Variants in TIMM23B observed in about 807,000 individuals in gnomAD.
TIMM23B encodes the protein mitochondrial import inner membrane translocase subunit Tim23B.
TIMM23B carries 27 observed loss-of-function variants against 27.3 expected under a neutral mutation model. The ratio of observed to expected loss-of-function variants is 0.99; its 90% confidence interval spans 0.73 to 1.36. The LOEUF is 1.36. Among genes scored for constraint, TIMM23B ranks in the 40% most tolerant of loss-of-function variants. The pLI is 0.00. For synonymous variants in TIMM23B, 73 were observed against 92.4 expected (o/e 0.79, Z 1.21); for missense variants, 205 against 244.2 (o/e 0.84, Z 1.07).
chr10:49,953,802 A>G (rs1160883785), intron 4 of TIMM23B, among the ~76,000 whole-genome samples: 1 of 152,212 alleles, frequency 6.6e-6, no homozygotes, highest in Non-Finnish European at 1.5e-5. Flanking sequence ...TAGACAAAAT[A>G]CATAGCATAG....
intron 6 of TIMM23B, among the ~76,000 whole-genome samples, chr10:49,966,130 TGCTG>T (rs1815299528): frequency 6.7e-6 from 1 of 149,438 alleles, no homozygotes; most frequent in Non-Finnish European, 1.5e-5. Flanking sequence ...AATAATGAAA[TGCTG>T]GGTGTGGTGG....
intron 6 of TIMM23B, among the ~76,000 whole-genome samples, chr10:49,959,920 T>C (rs1839841717): frequency 6.6e-6 from 1 of 151,706 alleles, no homozygotes; most frequent in South Asian, 2.1e-4. Context: ...GGCTAATTCT[T>C]GTATTTTTAG....
At position 49,973,820 on chromosome 10, in the gene TIMM23B, T is replaced by C. The variant is rs2132078639; in HGVS notation, c.*756T>C. ...AGGTAATTTTTTTTTTTTCTTTTTT[T>C]TTGAGATGGAGTCTTGCTCTGTTGC... is the stretch of plus-strand genomic sequence containing the variant. On this transcript the variant is annotated 3_prime_UTR_variant, in exon 7 of 7. Transcript: ENST00000651259. 1 of 151,454 alleles carries C rather than the reference T, an allele frequency of 6.6e-6. No individual in the cohort carries two copies. The highest frequency in any genetic ancestry group is 1.9e-4 in the East Asian group (1 of 5,178). The allele number at this position is 151,454 out of a possible 1,614,324, so 9.4% of individuals were successfully genotyped here. A position where few individuals can be genotyped will look rare whatever the true frequency, so the allele number is the denominator to read the frequency against.
chr10:49,947,571 C>G (rs1479863175), intron 2 of TIMM23B, among the ~76,000 whole-genome samples: 4 of 151,806 alleles, frequency 2.6e-5, no homozygotes, highest in African/African-American at 9.7e-5. Flanking sequence ...ATCGCACCAC[C>G]CGCACTTCAG....
chr10:49,958,612 G>A, intron 6 of TIMM23B, 132 bp downstream of exon 6: 1 of 840,088 alleles, frequency 1.2e-6, no homozygotes, highest in Non-Finnish European at 1.9e-6. Context: ...ATTTTGGTTT[G>A]GTTTGGTTTT....
At chr10:49,946,726 G>A (rs1355025241) in intron 2 of TIMM23B, among the ~76,000 whole-genome samples, 1 of 149,194 alleles carries the variant, frequency 6.7e-6, no homozygotes, top group Admixed American at 6.7e-5. Context: ...TATTAAAATG[G>A]CAGTGCTCAC....
At chr10:49,942,435 T>C (rs1564675572) in intron 1 of TIMM23B, 135 bp downstream of exon 1, 3 of 1,476,862 alleles carry the variant, frequency 2.0e-6, no homozygotes, top group Non-Finnish European at 1.8e-6. Flanking sequence ...AGTGGTGGGG[T>C]TAGTGTATCT....
intron 1 of TIMM23B, chr10:49,943,486 C>G (rs1489923179): frequency 2.6e-5 from 4 of 152,088 alleles, no homozygotes; most frequent in Admixed American, 1.3e-4. Flanking sequence ...GTCTCGGCCT[C>G]CCAAAATGCT....
At chr10:49,972,822 A>G (rs1840510225) in intron 6 of TIMM23B, 190 bp from the exon 7 acceptor site, 1 of 592,538 alleles carries the variant, frequency 1.7e-6, no homozygotes, top group East Asian at 2.8e-5. Context: ...TCATCTTGCA[A>G]TTCAACTGGG....
At chr10:49,952,619 C>G in intron 4 of TIMM23B, 86 bp downstream of exon 4, 4 of 1,479,782 alleles carry the variant, frequency 2.7e-6, no homozygotes, top group Non-Finnish European at 3.7e-6. Context: ...CTTGAGATTA[C>G]AGATGGTTAG....
chr10:49,962,894 CT>C (rs71215887), intron 6 of TIMM23B, among the ~76,000 whole-genome samples: 2,759 of 123,134 alleles, frequency 0.022, 118 homozygotes, highest in African/African-American at 0.066. Context: ...TCTACCATCA[CT>C]TTTTTTTTTT....
intron 6 of TIMM23B, among the ~76,000 whole-genome samples, chr10:49,969,303 G>A (rs1211144784): frequency 6.6e-6 from 1 of 152,114 alleles, no homozygotes; most frequent in African/African-American, 2.4e-5. Context: ...CAGTCTTGGT[G>A]GTGGGCACCT....
rs1271895013 is a variant in TIMM23B at position 49,951,890 on chromosome 10, T to G, written c.166-236T>G. 3.9e-5 allele frequency among the ~76,000 whole-genome samples: 6 copies of G among 152,356 alleles called. No homozygotes were observed. In the East Asian group the frequency reaches 1.2e-3, roughly 29 times the overall value. On this transcript the variant is annotated intron_variant, in intron 2 of 6. Transcript: ENST00000651259. Reference sequence around the variant, plus strand: ...TTTGCACAAATCTATCAGATTTACGTTTTGAAGGAAACAAAGTCTTTAATG... The same window carrying G: ...TTTGCACAAATCTATCAGATTTACGGTTTGAAGGAAACAAAGTCTTTAATG...
intron 6 of TIMM23B, chr10:49,970,131 T>G (rs1370332157): frequency 1.3e-5 from 2 of 155,776 alleles, no homozygotes; most frequent in African/African-American, 2.4e-5. Context: ...TGGCGTGATC[T>G]CGGCTAGCTA....
At chr10:49,962,792 G>C (rs1292933492) in intron 6 of TIMM23B, among the ~76,000 whole-genome samples, 4 of 151,976 alleles carry the variant, frequency 2.6e-5, no homozygotes, top group African/African-American at 7.3e-5. Context: ...TAAAAATTAA[G>C]TTATTTGAGA....
At chr10:49,966,602 G>T (rs1840172028) in intron 6 of TIMM23B, among the ~76,000 whole-genome samples, 1 of 152,058 alleles carries the variant, frequency 6.6e-6, no homozygotes, top group South Asian at 2.1e-4. Context: ...GAGGCAGGTG[G>T]ATCACCTGAG....
chr10:49,963,920 G>A (rs188590300), intron 6 of TIMM23B, among the ~76,000 whole-genome samples: 224 of 152,264 alleles, frequency 1.5e-3, no homozygotes, highest in Admixed American at 2.4e-3. Context: ...AGCAGGGATC[G>A]CGCCACTGCA....
intron 2 of TIMM23B, among the ~76,000 whole-genome samples, chr10:49,949,988 T>C (rs1839473494): frequency 6.6e-6 from 1 of 152,136 alleles, no homozygotes; most frequent in African/African-American, 2.4e-5. Flanking sequence ...CCTAGCCAAC[T>C]TTTATCTGAT....
At chr10:49,942,745 G>C (rs1839180744) in intron 1 of TIMM23B, among the ~76,000 whole-genome samples, 1 of 152,206 alleles carries the variant, frequency 6.6e-6, no homozygotes, top group African/African-American at 2.4e-5. Flanking sequence ...ATGTAAGTGA[G>C]AAATAAATAT....
Sources: gnomAD v4.1 joint callset for allele counts (sites outside exome capture counted in the v4.1 genomes callset) on GRCh38, gnomAD v4.1.1 for gene constraint, MANE v1.5 for transcripts, NCBI Gene and HGNC (gene_info 2026-07-23, HGNC 2026-07-21) for gene names.